CEACAM6: variants seen among roughly 807,000 people sequenced by gnomAD.
CEACAM6 encodes the protein cell adhesion molecule CEACAM6.
In CEACAM6, 21 loss-of-function variants were observed where a neutral mutation model predicts 32.4. The observed-to-expected ratio is 0.65, with a 90% CI of 0.46 to 0.93. The LOEUF (loss-of-function observed/expected upper bound fraction) is 0.93, where lower values mean the gene tolerates loss of function less well. Ranked by LOEUF, CEACAM6 falls within the 40% of genes least tolerant of loss-of-function variation. The pLI, the probability that CEACAM6 is intolerant of heterozygous loss-of-function variation, is 0.00. For missense variants in CEACAM6, 406 were observed against 432.2 expected, an observed-to-expected ratio of 0.94 and a Z score of 0.54; for synonymous variants, 184 against 174.4, an observed-to-expected ratio of 1.06 and a Z score of -0.43.
intron 1 of CEACAM6, among the ~76,000 whole-genome samples, 181 bp from the exon 2 acceptor site, chr19:41,756,419 T>G (rs1281602808): frequency 6.7e-6 from 1 of 148,434 alleles, no homozygotes; most frequent in Non-Finnish European, 1.5e-5. Context: ...GCTGAAGGAA[T>G]GGGGGTGTCA....
In CEACAM6 at chr19:41,757,015, C is replaced by T. The variant is rs111448531; in HGVS notation, c.424+56C>T. 4.2e-3 allele frequency: 6,581 copies of T among 1,555,870 alleles called. 138 individuals carry two copies. In the African/African-American group the frequency reaches 0.055, roughly 13 times the overall value. ...GGGGGTCAGTTCTACTTCCCACATA[C>T]GGGATTGTCAGGCCTGGGTTGTGCC... On this transcript the variant is annotated intron_variant, in intron 2 of 5. Coordinates refer to ENST00000199764, the MANE Select transcript of CEACAM6 (RefSeq NM_002483.7).
intron 5 of CEACAM6, among the ~76,000 whole-genome samples, chr19:41,768,817 C>A (rs1171412537): frequency 6.6e-6 from 1 of 152,150 alleles, no homozygotes; most frequent in Non-Finnish European, 1.5e-5. Flanking sequence ...GCAGAGGCGC[C>A]CCTCACCTGG....
chr19:41,761,302 A>G lies in CEACAM6; in HGVS notation c.478A>G (p.Lys160Glu). ...CAACAACTCCAACCCCGTGGAGGACAAGGATGCTGTGGCCTTCACCTGTGA... is the reference window on the plus strand; with the variant it reads ...CAACAACTCCAACCCCGTGGAGGACGAGGATGCTGTGGCCTTCACCTGTGA... The part of the protein sequence containing the change: ...SSNNSNPVED[K>E]DAVAFTCEPE... The change falls in exon 3 of 6, where the codon AAG becomes GAG. Residue 160 changes from lysine to glutamate, a missense_variant. Coordinates refer to ENST00000199764, the MANE Select transcript of CEACAM6 (RefSeq NM_002483.7). 3 of 1,614,200 alleles carry G rather than the reference A, an allele frequency of 1.9e-6. No homozygotes were observed. Among genetic ancestry groups the G allele is most frequent in the Non-Finnish European group, 2.5e-6 (3 of 1,180,020 alleles).
chr19:41,763,285 C>G (rs932960704), intron 4 of CEACAM6, among the ~76,000 whole-genome samples: 1 of 152,188 alleles, frequency 6.6e-6, no homozygotes, highest in African/African-American at 2.4e-5. Flanking sequence ...TGACCCACAG[C>G]CTGACCCCTG....
intron 2 of CEACAM6, among the ~76,000 whole-genome samples, chr19:41,760,485 G>A (rs532156612): frequency 2.6e-5 from 4 of 152,228 alleles, no homozygotes; most frequent in Admixed American, 6.5e-5. Context: ...CCTGCCCTCC[G>A]CAGAGGGAGA....
chr19:41,761,614 T>G, intron 3 of CEACAM6, 87 bp downstream of exon 3: 2 of 1,576,164 alleles, frequency 1.3e-6, no homozygotes, highest in South Asian at 2.4e-5. Context: ...CTCTCAGGTC[T>G]AAGGACTCAG....
Position 41,761,472 on chromosome 19 carries a change from A to C in CEACAM6, c.648A>C (p.Glu216Asp). Reference protein sequence around the residue: ...KRNDAGSYECEIQNPASANRS... With the variant: ...KRNDAGSYECDIQNPASANRS... ...ACGATGCAGGATCCTATGAATGTGA[A>C]ATACAGAACCCAGCGAGTGCCAACC... Residue 216 changes from glutamate to aspartate, a missense_variant, in exon 3 of 6, where the codon GAA (glutamate) becomes GAC (aspartate). Coordinates refer to ENST00000199764, the MANE Select transcript of CEACAM6 (RefSeq NM_002483.7). 6.2e-7 allele frequency: 1 copy of C among 1,614,202 alleles called. No homozygotes were observed. The highest frequency in any genetic ancestry group is 8.5e-7 in the Non-Finnish European group (1 of 1,180,030).
In CEACAM6 at chr19:41,756,866, A is replaced by G. The variant is rs2072891058; in HGVS notation, c.331A>G (p.Asn111Asp). Residue 111 changes from asparagine to aspartate, a missense_variant, in exon 2 of 6, where the codon AAC becomes GAC. Asn to Asp is a conservative substitution (Grantham distance 23). Coordinates refer to ENST00000199764, the MANE Select transcript of CEACAM6 (RefSeq NM_002483.7). Reference protein sequence around the residue: ...IYPNASLLIQNVTQNDTGFYT... With the variant: ...IYPNASLLIQDVTQNDTGFYT... The stretch of plus-strand genomic sequence containing the variant: ...CCCCAATGCATCCCTGCTGATCCAG[A>G]ACGTCACCCAGAATGACACAGGATT... 5.6e-6 allele frequency: 9 copies of G among 1,614,000 alleles called. No homozygotes were observed. Among genetic ancestry groups the G allele is most frequent in the Middle Eastern group, 1.6e-4 (1 of 6,084 alleles).
chr19:41,757,557 C>T (rs1255751238), intron 2 of CEACAM6, among the ~76,000 whole-genome samples: 1 of 152,128 alleles, frequency 6.6e-6, no homozygotes, highest in African/African-American at 2.4e-5. Context: ...TCACTTGAGG[C>T]TCAGCATGGA....
intron 4 of CEACAM6, among the ~76,000 whole-genome samples, chr19:41,765,738 G>A (rs186827172): frequency 6.6e-6 from 1 of 152,288 alleles, no homozygotes; most frequent in East Asian, 1.9e-4. Flanking sequence ...TCTTTCCCCT[G>A]GTGGGAGCCC....
chr19:41,764,186 G>A (rs2072943801), intron 4 of CEACAM6, among the ~76,000 whole-genome samples: 3 of 152,138 alleles, frequency 2.0e-5, no homozygotes, highest in African/African-American at 7.2e-5. Context: ...GTGTGTTCCA[G>A]GAATTTGTCC....
At chr19:41,763,487 CA>C (rs1765210245) in intron 4 of CEACAM6, among the ~76,000 whole-genome samples, 1 of 152,214 alleles carries the variant, frequency 6.6e-6, no homozygotes, top group South Asian at 2.1e-4. Context: ...GGCAGTCAGC[CA>C]GTCAGGGAAG....
intron 1 of CEACAM6, among the ~76,000 whole-genome samples, chr19:41,756,190 A>C (rs1210121480): frequency 6.6e-6 from 1 of 152,178 alleles, no homozygotes; most frequent in Non-Finnish European, 1.5e-5. Flanking sequence ...ACACACACAA[A>C]GAGATATAGA....
At chr19:41,770,774 GTTTT>G (rs1325437742) in intron 5 of CEACAM6, 24 bp from the exon 6 acceptor site, 1 of 152,224 alleles carries the variant, frequency 6.6e-6, no homozygotes, top group Non-Finnish European at 1.5e-5. Flanking sequence ...TCTGCTTATT[GTTTT>G]TTATTTTCAT....
intron 2 of CEACAM6, among the ~76,000 whole-genome samples, chr19:41,758,284 C>G (rs529415457): frequency 2.0e-5 from 3 of 152,246 alleles, no homozygotes; most frequent in South Asian, 4.1e-4. Context: ...CTTTCTCTCC[C>G]CACTCACACC....
chr19:41,768,515 G>A (rs1205550166), intron 5 of CEACAM6, among the ~76,000 whole-genome samples: 4 of 152,276 alleles, frequency 2.6e-5, no homozygotes, highest in Non-Finnish European at 5.9e-5. Context: ...ACACAGACAC[G>A]GCAACCATCC....
At chr19:41,769,779 T>G (rs1444189731) in intron 5 of CEACAM6, among the ~76,000 whole-genome samples, 1 of 148,488 alleles carries the variant, frequency 6.7e-6, no homozygotes, top group Non-Finnish European at 1.5e-5. Context: ...TATTTGATGA[T>G]CATTATTTAA....
chr19:41,767,963 A>G (rs1433824367), intron 5 of CEACAM6, among the ~76,000 whole-genome samples: 1 of 152,144 alleles, frequency 6.6e-6, no homozygotes, highest in Non-Finnish European at 1.5e-5. Context: ...TATTGATGTG[A>G]GTGTTCCAAA....
intron 5 of CEACAM6, among the ~76,000 whole-genome samples, chr19:41,770,139 C>T (rs1431591085): frequency 2.0e-5 from 3 of 150,618 alleles, no homozygotes; most frequent in Non-Finnish European, 4.4e-5. Flanking sequence ...AGGCTGGGCA[C>T]AGTAGCTCAC....
Sources: allele counts gnomAD v4.1 joint callset (sites outside exome capture counted in the v4.1 genomes callset), GRCh38; gene constraint gnomAD v4.1.1; transcripts MANE v1.5; gene names NCBI Gene and HGNC (gene_info 2026-07-23, HGNC 2026-07-21).